The following XKR9 variants were observed in gnomAD, a reference collection of about 807,000 sequenced individuals.
XKR9 encodes XK related 9.
In XKR9, 32 loss-of-function variants were observed where a neutral mutation model predicts 32.0. The ratio of observed to expected loss-of-function variants is 1.00; its 90% confidence interval spans 0.76 to 1.34. The LOEUF (loss-of-function observed/expected upper bound fraction) is 1.34, where lower values mean the gene tolerates loss of function less well. Among genes scored for constraint, XKR9 ranks in the 40% most tolerant of loss-of-function variants. The pLI is 0.00. For synonymous variants in XKR9, 168 were observed against 143.4 expected (o/e 1.17, Z -1.22); for missense variants, 546 against 429.7 (o/e 1.27, Z -2.39).
At chr8:70,963,505 A>G in the XKR9 span, among the ~76,000 whole-genome samples, 6 of 152,222 alleles carry the variant, frequency 3.9e-5, no homozygotes, top group African/African-American at 1.2e-4. Flanking sequence ...GCTGGGTCAA[A>G]TGGTATTTCT....
intron 4 of XKR9, among the ~76,000 whole-genome samples, chr8:70,720,552 A>T (rs1181364686): frequency 1.3e-5 from 2 of 152,152 alleles, no homozygotes; most frequent in Non-Finnish European, 2.9e-5. Flanking sequence ...ATCTGTTGAG[A>T]TAATCATATG....
At chr8:70,902,735 G>T in the XKR9 span, among the ~76,000 whole-genome samples, 4 of 152,156 alleles carry the variant, frequency 2.6e-5, no homozygotes, top group Non-Finnish European at 4.4e-5. Flanking sequence ...TTCTGCTTTT[G>T]TCCATTCAGT....
At chr8:70,749,960 A>G (rs947686826) in intron 2 of XKR9, among the ~76,000 whole-genome samples, 1 of 152,196 alleles carries the variant, frequency 6.6e-6, no homozygotes, top group African/African-American at 2.4e-5. Context: ...ATCAGGAATA[A>G]GGCTTAAATT....
At chr8:70,839,457 T>A in the XKR9 span, among the ~76,000 whole-genome samples, 3 of 152,234 alleles carry the variant, frequency 2.0e-5, no homozygotes, top group African/African-American at 7.2e-5. Flanking sequence ...GATAAACCAA[T>A]ACACTACATT....
chr8:70,997,275 C>T, the XKR9 span, among the ~76,000 whole-genome samples: 53 of 151,620 alleles, frequency 3.5e-4, no homozygotes, highest in African/African-American at 1.2e-3. Flanking sequence ...CCAACCTGGG[C>T]GACAAGGGTG....
At chr8:70,813,721 T>C in the XKR9 span, among the ~76,000 whole-genome samples, 4 of 152,166 alleles carry the variant, frequency 2.6e-5, no homozygotes, top group Non-Finnish European at 5.9e-5. Flanking sequence ...GTCAGAGAAA[T>C]GCAAATCAAA....
the XKR9 span, among the ~76,000 whole-genome samples, chr8:71,022,425 C>G: frequency 6.6e-6 from 1 of 151,734 alleles, no homozygotes; most frequent in African/African-American, 2.4e-5. Flanking sequence ...GGTTTTTTTT[C>G]AGAATTTTAA....
intron 4 of XKR9, among the ~76,000 whole-genome samples, chr8:70,726,982 T>C (rs912294086): frequency 6.7e-6 from 1 of 148,836 alleles, no homozygotes; most frequent in Non-Finnish European, 1.5e-5. Context: ...CTTCTTTTTG[T>C]TTCCTTAAAA....
the XKR9 span, among the ~76,000 whole-genome samples, chr8:71,017,434 AGAGTAGAGAGGTAGGAG>A: frequency 6.6e-6 from 1 of 152,072 alleles, no homozygotes; most frequent in African/African-American, 2.4e-5. Context: ...AGAAGGTTTG[AGAGTAGAGAGGTAGGAG>A]GGATTGGGGA....
the XKR9 span, among the ~76,000 whole-genome samples, chr8:70,919,231 G>A: frequency 6.6e-6 from 1 of 152,146 alleles, no homozygotes; most frequent in Non-Finnish European, 1.5e-5. Context: ...TGTTGAAAAG[G>A]AAATAATATA....
chr8:70,853,687 C>G, the XKR9 span, among the ~76,000 whole-genome samples: 110 of 152,184 alleles, frequency 7.2e-4, no homozygotes, highest in African/African-American at 2.5e-3. Context: ...CTCCCCCCAC[C>G]CCACAACAGG....
the XKR9 span, among the ~76,000 whole-genome samples, chr8:71,020,731 T>G: frequency 1.3e-5 from 2 of 152,216 alleles, no homozygotes; most frequent in Non-Finnish European, 2.9e-5. Flanking sequence ...AACCATCACC[T>G]CGGGCATTTA....
At chr8:70,775,956 G>A (rs188082673) in intron 2 of XKR9, among the ~76,000 whole-genome samples, 180 of 152,048 alleles carry the variant, frequency 1.2e-3, no homozygotes, top group African/African-American at 4.2e-3. Flanking sequence ...ATCTTGCCCT[G>A]CCTGATCTCA....
chr8:70,741,926 C>G (rs1211346840), intron 2 of XKR9, among the ~76,000 whole-genome samples: 1 of 151,004 alleles, frequency 6.6e-6, no homozygotes, highest in African/African-American at 2.4e-5. Context: ...CATAAATGCC[C>G]CAGTTTCTCT....
the XKR9 span, among the ~76,000 whole-genome samples, chr8:70,817,885 G>A: frequency 5.3e-5 from 8 of 152,072 alleles, no homozygotes; most frequent in South Asian, 2.1e-4. Context: ...TTCAATAAAC[G>A]GTGCTGTGAT....
At chr8:70,753,263 G>A (rs1221093106) in intron 2 of XKR9, among the ~76,000 whole-genome samples, 1 of 151,992 alleles carries the variant, frequency 6.6e-6, no homozygotes, top group African/African-American at 2.4e-5. Flanking sequence ...TGAAATTGTG[G>A]CAATAATCAA....
At chr8:70,672,584 A>G (rs925818428) in intron 1 of XKR9, among the ~76,000 whole-genome samples, 1 of 152,070 alleles carries the variant, frequency 6.6e-6, no homozygotes, top group African/African-American at 2.4e-5. Context: ...TAGTAGTGGG[A>G]TTGCTAAATC....
At chr8:70,967,311 C>T in the XKR9 span, among the ~76,000 whole-genome samples, 1 of 151,960 alleles carries the variant, frequency 6.6e-6, no homozygotes, top group Non-Finnish European at 1.5e-5. Context: ...CCTCGTGATT[C>T]GCCCACCTCG....
chr8:70,980,589 C>T, the XKR9 span, among the ~76,000 whole-genome samples: 2 of 152,156 alleles, frequency 1.3e-5, no homozygotes, highest in Non-Finnish European at 2.9e-5. Flanking sequence ...TCTGCCATTC[C>T]TTGTCTTGTA....
Sources: gnomAD v4.1 joint callset for allele counts (sites outside exome capture counted in the v4.1 genomes callset) on GRCh38, gnomAD v4.1.1 for gene constraint, MANE v1.5 for transcripts, NCBI Gene and HGNC (gene_info 2026-07-23, HGNC 2026-07-21) for gene names.